PBX1: variants seen among roughly 807,000 people sequenced by gnomAD.
PBX1 encodes PBX homeobox 1.
A neutral mutation model predicts 53.4 loss-of-function variants in PBX1; 6 were observed. The ratio of observed to expected loss-of-function variants is 0.11; its 90% CI spans 0.06 to 0.22. PBX1 has a LOEUF of 0.22. Among genes scored for constraint, PBX1 ranks in the 10% least tolerant of loss-of-function variants. The pLI, the probability that PBX1 is intolerant of heterozygous loss-of-function variation, is 1.00. For missense variants in PBX1, 251 were observed against 551.4 expected, an observed-to-expected ratio of 0.46 and a Z score of 5.46; for synonymous variants, 204 against 212.3, an observed-to-expected ratio of 0.96 and a Z score of 0.34.
intron 2 of PBX1, among the ~76,000 whole-genome samples, chr1:164,604,717 A>C (rs1416437654): frequency 1.3e-5 from 2 of 152,250 alleles, no homozygotes; most frequent in Admixed American, 6.5e-5. Context: ...ATTAAATTTT[A>C]ATAGGAAGAA....
chr1:164,589,844 C>G (rs557782324), intron 2 of PBX1, among the ~76,000 whole-genome samples: 74 of 152,228 alleles, frequency 4.9e-4, no homozygotes, highest in African/African-American at 1.8e-3. Context: ...ATTTCTGTTC[C>G]TGTTGTGGTG....
intron 2 of PBX1, among the ~76,000 whole-genome samples, chr1:164,780,180 C>A (rs1231333136): frequency 6.6e-6 from 1 of 152,244 alleles, no homozygotes; most frequent in African/African-American, 2.4e-5. Context: ...ACCCCCTGCT[C>A]TCCCCAAATT....
intron 2 of PBX1, among the ~76,000 whole-genome samples, chr1:164,646,200 G>A (rs1052329697): frequency 7.2e-5 from 11 of 152,186 alleles, no homozygotes; most frequent in Admixed American, 5.9e-4. Context: ...GAAGAATGAA[G>A]GGGAAATTGA....
At chr1:164,824,637 T>C (rs1473830977) in intron 8 of PBX1, among the ~76,000 whole-genome samples, 1 of 152,148 alleles carries the variant, frequency 6.6e-6, no homozygotes, top group Non-Finnish European at 1.5e-5. Context: ...GCTTTTGAGA[T>C]GGATATAGTG....
intron 2 of PBX1, among the ~76,000 whole-genome samples, chr1:164,725,990 T>G (rs187416221): frequency 6.6e-6 from 1 of 152,326 alleles, no homozygotes; most frequent in East Asian, 1.9e-4. Flanking sequence ...TTTCTTCTCT[T>G]GTGTTCAACT....
intron 2 of PBX1, among the ~76,000 whole-genome samples, chr1:164,594,343 C>T (rs928254059): frequency 1.3e-5 from 2 of 152,100 alleles, no homozygotes; most frequent in African/African-American, 4.8e-5. Context: ...CGACCAGGCT[C>T]GAGTGCAATG....
chr1:164,880,941 A>G (rs1672631083), intron 2 of PBX1, among the ~76,000 whole-genome samples: 1 of 152,244 alleles, frequency 6.6e-6, no homozygotes, highest in Admixed American at 6.5e-5. Context: ...AAATGTGTTA[A>G]TGGGAACACT....
At chr1:164,864,407 C>G (rs74346421) in intron 2 of PBX1, among the ~76,000 whole-genome samples, 2,555 of 152,310 alleles carry the variant, frequency 0.017, 71 homozygotes, top group African/African-American at 0.052. Flanking sequence ...GCCCCAGCCT[C>G]TGTTGCCCAC....
At chr1:164,588,161 A>G (rs970747769) in intron 2 of PBX1, among the ~76,000 whole-genome samples, 21 of 152,160 alleles carry the variant, frequency 1.4e-4, no homozygotes, top group Non-Finnish European at 2.6e-4. Context: ...TCACATCCAG[A>G]TGCGGTCAGA....
chr1:164,685,120 G>T (rs1404432962), intron 2 of PBX1, among the ~76,000 whole-genome samples: 1 of 152,158 alleles, frequency 6.6e-6, no homozygotes, highest in Non-Finnish European at 1.5e-5. Flanking sequence ...CAAGACGCGG[G>T]CCTCGTTTTC....
intron 2 of PBX1, among the ~76,000 whole-genome samples, chr1:164,660,580 T>G (rs1369825828): frequency 6.6e-6 from 1 of 152,156 alleles, no homozygotes; most frequent in Non-Finnish European, 1.5e-5. Context: ...TGTAGTAACA[T>G]CAGCAGAGGG....
intron 2 of PBX1, chr1:164,771,550 A>C (rs1002382784): frequency 6.6e-6 from 1 of 151,766 alleles, no homozygotes; most frequent in Non-Finnish European, 1.5e-5. Flanking sequence ...TTTTCTCTTA[A>C]ACAGCTTTTT....
chr1:164,848,486 T>G lies in PBX1; in HGVS notation c.*1810T>G. 1.9e-6 allele frequency: 2 copies of G among 1,058,736 alleles called. No homozygotes were observed. The highest frequency in any genetic ancestry group is 2.3e-6 in the Non-Finnish European group (2 of 875,102). The allele number at this position is 1,058,736 out of a possible 1,614,324, so 65.6% of individuals were successfully genotyped here. A position where few individuals can be genotyped will look rare whatever the true frequency, so the allele number is the denominator to read the frequency against. ...AATGTCCCTGAAATAAACGGGTTCA[T>G]GCCATCTAGGGACAATAAATGGTTT... On this transcript the variant is annotated 3_prime_UTR_variant, in exon 9 of 9. Coordinates refer to ENST00000420696, the MANE Select transcript of PBX1 (RefSeq NM_002585.4).
chr1:164,632,219 A>T (rs1351012927), intron 2 of PBX1, among the ~76,000 whole-genome samples: 3 of 152,174 alleles, frequency 2.0e-5, no homozygotes, highest in Non-Finnish European at 2.9e-5. Context: ...CTAGGCATTA[A>T]TAGCCCTCAC....
At chr1:164,726,736 C>T (rs1664719671) in intron 2 of PBX1, among the ~76,000 whole-genome samples, 1 of 152,102 alleles carries the variant, frequency 6.6e-6, no homozygotes, top group African/African-American at 2.4e-5. Context: ...GTAAAAGCAG[C>T]TCTGTACCTC....
At chr1:164,697,889 C>T (rs984332615) in intron 2 of PBX1, among the ~76,000 whole-genome samples, 33 of 152,166 alleles carry the variant, frequency 2.2e-4, no homozygotes, top group African/African-American at 7.7e-4. Context: ...TGGAATTGAA[C>T]TAGACAAGAA....
chr1:164,672,659 C>T (rs533262650), intron 2 of PBX1, among the ~76,000 whole-genome samples: 1 of 152,294 alleles, frequency 6.6e-6, no homozygotes, highest in East Asian at 1.9e-4. Flanking sequence ...AAAAGATATT[C>T]ACCTCCTCTA....
chr1:164,877,011 G>C (rs1046438923), intron 2 of PBX1, among the ~76,000 whole-genome samples: 13 of 152,030 alleles, frequency 8.6e-5, no homozygotes, highest in Non-Finnish European at 2.9e-5. Flanking sequence ...GATAGAGGAA[G>C]TACCATGTGC....
intron 2 of PBX1, among the ~76,000 whole-genome samples, chr1:164,619,968 G>A (rs1309102334): frequency 6.6e-6 from 1 of 152,058 alleles, no homozygotes; most frequent in African/African-American, 2.4e-5. Flanking sequence ...GAGCCTAGGA[G>A]TTTGAGACCA....
Sources: gnomAD v4.1 joint callset for allele counts (sites outside exome capture counted in the v4.1 genomes callset) on GRCh38, gnomAD v4.1.1 for gene constraint, MANE v1.5 for transcripts, NCBI Gene and HGNC (gene_info 2026-07-23, HGNC 2026-07-21) for gene names.